The following CSMD1 variants were observed in gnomAD, a reference collection of about 807,000 sequenced individuals.
CSMD1 encodes the protein CUB and sushi domain-containing protein 1.
In CSMD1, 213 loss-of-function variants were observed where a neutral mutation model predicts 417.5. That is an observed-to-expected ratio of 0.51 (90% CI 0.46 to 0.57). The LOEUF is 0.57. Among genes scored for constraint, CSMD1 ranks in the 20% least tolerant of loss-of-function variants. The pLI, the probability that CSMD1 is intolerant of heterozygous loss-of-function variation, is 0.00. For synonymous variants in CSMD1, 2,862 were observed against 1,736.8 expected (o/e 1.65, Z -16.11); for missense variants, 6,923 against 4,529.7 (o/e 1.53, Z -15.17).
intron 3 of CSMD1, among the ~76,000 whole-genome samples, chr8:4,345,882 G>A (rs936024350): frequency 6.6e-6 from 1 of 152,138 alleles, no homozygotes; most frequent in African/African-American, 2.4e-5. Context: ...CAGGCAGACA[G>A]GTGATGAGTC....
At chr8:3,650,105 C>T (rs1035972042) in intron 7 of CSMD1, among the ~76,000 whole-genome samples, 1 of 152,012 alleles carries the variant, frequency 6.6e-6, no homozygotes, top group African/African-American at 2.4e-5. Flanking sequence ...ATGGTGAAAC[C>T]TTGTCTCTAC....
chr8:3,830,395 G>A (rs2975373), intron 5 of CSMD1, among the ~76,000 whole-genome samples: 19,740 of 152,130 alleles, frequency 0.13, 1,332 homozygotes, highest in African/African-American at 0.15. Flanking sequence ...TACCTGGACC[G>A]CTTCCAATCA....
intron 5 of CSMD1, among the ~76,000 whole-genome samples, chr8:3,892,489 T>C (rs1807044595): frequency 6.6e-6 from 1 of 151,926 alleles, no homozygotes; most frequent in African/African-American, 2.4e-5. Flanking sequence ...TGCAAGAGGA[T>C]CTAAGAGACC....
intron 4 of CSMD1, among the ~76,000 whole-genome samples, chr8:4,017,354 G>A (rs1441292167): frequency 6.6e-6 from 1 of 152,144 alleles, no homozygotes; most frequent in Non-Finnish European, 1.5e-5. Context: ...TGCCCAGGCT[G>A]GAGTGCAATG....
At chr8:3,358,152 T>C (rs947530882) in intron 21 of CSMD1, among the ~76,000 whole-genome samples, 1 of 152,192 alleles carries the variant, frequency 6.6e-6, no homozygotes. Flanking sequence ...CTGTTAAATT[T>C]TATCTTCAGA....
intron 3 of CSMD1, among the ~76,000 whole-genome samples, chr8:4,239,309 C>G (rs933087612): frequency 2.0e-5 from 3 of 152,208 alleles, no homozygotes; most frequent in Non-Finnish European, 2.9e-5. Flanking sequence ...GTGGGCAACA[C>G]CAGTGCTAAG....
chr8:4,453,789 C>T (rs541657965), intron 2 of CSMD1, among the ~76,000 whole-genome samples: 1 of 148,334 alleles, frequency 6.7e-6, no homozygotes, highest in East Asian at 2.0e-4. Context: ...ACCCAGGTTC[C>T]CGAACAAGAT....
At chr8:4,745,932 C>G (rs949391953) in intron 1 of CSMD1, among the ~76,000 whole-genome samples, 3 of 152,196 alleles carry the variant, frequency 2.0e-5, no homozygotes, top group Non-Finnish European at 2.9e-5. Context: ...TTTGAGCCAC[C>G]ATTTCCCCAT....
intron 18 of CSMD1, among the ~76,000 whole-genome samples, chr8:3,378,370 A>G (rs1166606675): frequency 6.6e-6 from 1 of 152,206 alleles, no homozygotes; most frequent in Non-Finnish European, 1.5e-5. Flanking sequence ...GACAATAAAA[A>G]AGAGGGACTC....
rs552453744 is a variant in CSMD1 at position 4,354,567 on chromosome 8, T to C, written c.415+65386A>G. Among the ~76,000 whole-genome samples the C allele has an allele frequency of 5.3e-5, 8 of 152,276 alleles. No homozygotes were observed. In the East Asian group the frequency reaches 1.4e-3, roughly 26 times the overall value. On this transcript the variant is annotated intron_variant, in intron 3 of 69. Transcript: ENST00000635120. The stretch of plus-strand genomic sequence containing the variant: ...TGGCTGCATTAGCACTAAACATAGA[T>C]GGCAGACTTCACCGTGACTCAACCT...
At chr8:4,779,650 T>C (rs1409052983) in intron 1 of CSMD1, among the ~76,000 whole-genome samples, 1 of 152,214 alleles carries the variant, frequency 6.6e-6, no homozygotes, top group Admixed American at 6.5e-5. Context: ...AAGCTGGCTT[T>C]AGCATTTTTA....
chr8:3,890,749 C>T (rs1203422678), intron 5 of CSMD1, among the ~76,000 whole-genome samples: 1 of 152,188 alleles, frequency 6.6e-6, no homozygotes, highest in Non-Finnish European at 1.5e-5. Context: ...GCATGTGGCT[C>T]TGTTGTCTGT....
intron 1 of CSMD1, among the ~76,000 whole-genome samples, chr8:4,890,776 T>C (rs547810552): frequency 1.2e-4 from 19 of 152,176 alleles, no homozygotes; most frequent in Non-Finnish European, 2.4e-4. Context: ...CGCAATCACT[T>C]TTGCACCGAC....
chr8:3,805,209 G>A (rs915631875), intron 5 of CSMD1, among the ~76,000 whole-genome samples: 3 of 152,154 alleles, frequency 2.0e-5, no homozygotes, highest in Admixed American at 6.6e-5. Context: ...AAGGGAAGGA[G>A]TCAGTTTCCT....
rs539863555 is a variant in CSMD1, at chr8:3,517,985, T to C, written c.1345-24259A>G. 3.9e-5 allele frequency among the ~76,000 whole-genome samples: 6 copies of C among 152,310 alleles called. No individual in the cohort carries two copies. In the East Asian group the frequency reaches 1.2e-3, roughly 29 times the overall value. On this transcript the variant is annotated intron_variant, in intron 10 of 69. Coordinates refer to ENST00000635120, the MANE Select transcript of CSMD1 (RefSeq NM_033225.6). Reference sequence around the variant, plus strand: ...ATTAAACCTCATCAATAAATAATCATATAAATCATGTAGGTGAACTTAAGA... The same window carrying C: ...ATTAAACCTCATCAATAAATAATCACATAAATCATGTAGGTGAACTTAAGA...
At chr8:4,323,655 C>T (rs967924544) in intron 3 of CSMD1, among the ~76,000 whole-genome samples, 2 of 152,076 alleles carry the variant, frequency 1.3e-5, no homozygotes, top group Admixed American at 6.6e-5. Context: ...AAATAAGGGG[C>T]AGTGGACTCT....
chr8:3,408,187 T>C lies in CSMD1; in HGVS notation c.1783A>G (p.Ile595Val). The C allele has an allele frequency of 1.2e-6, 2 of 1,611,290 alleles. No homozygotes were observed. Among genetic ancestry groups the C allele is most frequent in the Non-Finnish European group, 1.7e-6 (2 of 1,178,318 alleles). ...FFNFTASSGIILSPNYPEEYG... is the reference protein window; with the variant it reads ...FFNFTASSGIVLSPNYPEEYG... Reference sequence around the variant, plus strand: ...TCCTCTGGATAATTTGGTGACAGAATAATCCCAGATGATGCCGTAAAGTTG... The same window carrying C: ...TCCTCTGGATAATTTGGTGACAGAACAATCCCAGATGATGCCGTAAAGTTG... The change falls in exon 14 of 70, where the codon ATT becomes GTT. Residue 595 changes from isoleucine to valine, a missense_variant. Ile to Val is a conservative substitution (Grantham distance 29, BLOSUM62 3). Coordinates refer to ENST00000635120, the MANE Select transcript of CSMD1 (RefSeq NM_033225.6).
At chr8:4,774,339 C>A (rs1796739847) in intron 1 of CSMD1, among the ~76,000 whole-genome samples, 1 of 152,164 alleles carries the variant, frequency 6.6e-6, no homozygotes, top group African/African-American at 2.4e-5. Context: ...TCTCTCAAAA[C>A]TGAAGGAAAT....
At chr8:4,898,422 T>C (rs552910326) in intron 1 of CSMD1, among the ~76,000 whole-genome samples, 55 of 151,480 alleles carry the variant, frequency 3.6e-4, no homozygotes, top group African/African-American at 1.3e-3. Flanking sequence ...AGTGACTGGG[T>C]GATGGTCACA....
Sources: allele counts gnomAD v4.1 joint callset (sites outside exome capture counted in the v4.1 genomes callset), GRCh38; gene constraint gnomAD v4.1.1; transcripts MANE v1.5; gene names NCBI Gene and HGNC (gene_info 2026-07-23, HGNC 2026-07-21).